The following QTMAN variants were observed in gnomAD, a reference collection of about 807,000 sequenced individuals.
The protein encoded by QTMAN is queuosine-tRNA mannosyltransferase, also known as tRNA-queuosine alpha-mannosyltransferase.
the QTMAN span, among the ~76,000 whole-genome samples, chr2:144,100,509 T>G: frequency 2.6e-5 from 4 of 152,224 alleles, no homozygotes; most frequent in Non-Finnish European, 5.9e-5. Context: ...CAACTAATAA[T>G]TGAATTGAAT....
chr2:144,053,552 A>G, the QTMAN span, among the ~76,000 whole-genome samples: 5 of 152,244 alleles, frequency 3.3e-5, no homozygotes, highest in Admixed American at 3.3e-4. Flanking sequence ...ACCTGAATGA[A>G]GCATCAGTGA....
chr2:144,142,152 C>CCTG, the QTMAN span: 1 of 759,262 alleles, frequency 1.3e-6, no homozygotes, highest in Non-Finnish European at 2.1e-6. Context: ...AGAGTTTATA[C>CCTG]TACACCTTAG....
the QTMAN span, among the ~76,000 whole-genome samples, chr2:144,038,666 T>C: frequency 1.3e-5 from 2 of 152,154 alleles, no homozygotes; most frequent in Non-Finnish European, 2.9e-5. Context: ...GCAGCAATCA[T>C]GAAATCTTGT....
the QTMAN span, among the ~76,000 whole-genome samples, chr2:144,060,984 CATCAT>C: frequency 1.3e-5 from 2 of 151,936 alleles, no homozygotes; most frequent in Admixed American, 1.3e-4. Flanking sequence ...AGAATCATGT[CATCAT>C]ATAATTTTTT....
the QTMAN span, among the ~76,000 whole-genome samples, chr2:144,159,671 T>C: frequency 1.3e-5 from 2 of 152,074 alleles, no homozygotes; most frequent in African/African-American, 4.8e-5. Flanking sequence ...AATACTTTCA[T>C]GGAGGTGGCA....
At chr2:144,239,375 G>T in the QTMAN span, among the ~76,000 whole-genome samples, 2 of 152,102 alleles carry the variant, frequency 1.3e-5, no homozygotes, top group Non-Finnish European at 2.9e-5. Context: ...ACACTTGCAA[G>T]CCAGAATATC....
chr2:144,046,376 A>G, the QTMAN span, among the ~76,000 whole-genome samples: 1 of 152,302 alleles, frequency 6.6e-6, no homozygotes, highest in Non-Finnish European at 1.5e-5. Flanking sequence ...AAAAGGTTAG[A>G]TATGATCCAC....
At chr2:144,021,236 G>C in the QTMAN span, among the ~76,000 whole-genome samples, 1 of 152,130 alleles carries the variant, frequency 6.6e-6, no homozygotes, top group Non-Finnish European at 1.5e-5. Context: ...GAGAGCAAGG[G>C]AAGTCACATG....
the QTMAN span, among the ~76,000 whole-genome samples, chr2:144,171,145 T>C: frequency 2.0e-5 from 3 of 152,194 alleles, no homozygotes; most frequent in South Asian, 2.1e-4. Flanking sequence ...TGTGCTGATA[T>C]ATGAAGAGAG....
At chr2:144,255,194 A>T in the QTMAN span, among the ~76,000 whole-genome samples, 1 of 152,148 alleles carries the variant, frequency 6.6e-6, no homozygotes, top group Non-Finnish European at 1.5e-5. Context: ...GGGCAAAATG[A>T]TATGATTTGG....
chr2:144,298,422 T>C, the QTMAN span, among the ~76,000 whole-genome samples: 35 of 152,328 alleles, frequency 2.3e-4, no homozygotes, highest in South Asian at 1.0e-3. Flanking sequence ...ATACAATATA[T>C]ACCGTGGCTA....
At chr2:144,069,889 T>C in the QTMAN span, among the ~76,000 whole-genome samples, 3 of 152,112 alleles carry the variant, frequency 2.0e-5, no homozygotes, top group Non-Finnish European at 4.4e-5. Flanking sequence ...TATATTCATA[T>C]ATATTTCCCC....
chr2:144,118,568 T>C, the QTMAN span, among the ~76,000 whole-genome samples: 1 of 152,202 alleles, frequency 6.6e-6, no homozygotes. Flanking sequence ...TCTATGATGT[T>C]GAATTTGCAT....
At chr2:144,073,373 G>A in the QTMAN span, among the ~76,000 whole-genome samples, 1 of 151,958 alleles carries the variant, frequency 6.6e-6, no homozygotes, top group Non-Finnish European at 1.5e-5. Context: ...AAAGAAAGGT[G>A]ATGCAATGGA....
chr2:144,245,679 A>T, the QTMAN span, among the ~76,000 whole-genome samples: 984 of 152,354 alleles, frequency 6.5e-3, 6 homozygotes, highest in Non-Finnish European at 0.01. Context: ...TGTGTAAACA[A>T]AACATCATTC....
chr2:144,274,008 C>A, the QTMAN span, among the ~76,000 whole-genome samples: 436 of 152,278 alleles, frequency 2.9e-3, 2 homozygotes, highest in African/African-American at 9.6e-3. Context: ...ATGGCACGCA[C>A]CTGTAGACCT....
At chr2:144,295,948 C>A in the QTMAN span, among the ~76,000 whole-genome samples, 1 of 152,054 alleles carries the variant, frequency 6.6e-6, no homozygotes, top group Non-Finnish European at 1.5e-5. Flanking sequence ...ATAACATTTT[C>A]GGTAACTTTT....
chr2:143,939,461 CTT>C, the QTMAN span: 1 of 152,112 alleles, frequency 6.6e-6, no homozygotes, highest in Non-Finnish European at 1.5e-5. Flanking sequence ...GTTTTTCTTT[CTT>C]TGTTTTGGTC....
chr2:144,093,968 G>T, the QTMAN span, among the ~76,000 whole-genome samples: 3 of 152,154 alleles, frequency 2.0e-5, no homozygotes, highest in Non-Finnish European at 2.9e-5. Flanking sequence ...CTCCAAACAA[G>T]GTTTAAAGGA....
Sources: gnomAD v4.1 joint callset for allele counts (sites outside exome capture counted in the v4.1 genomes callset) on GRCh38, gnomAD v4.1.1 for gene constraint, MANE v1.5 for transcripts, NCBI Gene and HGNC (gene_info 2026-07-23, HGNC 2026-07-21) for gene names.